GRID2: variants seen among roughly 807,000 people sequenced by gnomAD.
The protein encoded by GRID2 is glutamate ionotropic receptor delta type subunit 2.
A neutral mutation model predicts 114.8 loss-of-function variants in GRID2; 33 were observed. That is an observed-to-expected ratio of 0.29 (90% CI 0.22 to 0.38). GRID2 has a LOEUF of 0.38. Among genes scored for constraint, GRID2 ranks in the 10% least tolerant of loss-of-function variants. The pLI is 1.00. For synonymous variants in GRID2, 505 were observed against 449.9 expected, an observed-to-expected ratio of 1.12 and a Z score of -1.55; for missense variants, 1,184 against 1,257.7, an observed-to-expected ratio of 0.94 and a Z score of 0.89.
rs1433454267 is a variant in GRID2 at position 93,490,769 on chromosome 4, T to A, written c.1989T>A (p.Ser663Arg). 6.2e-6 allele frequency: 10 copies of A among 1,606,590 alleles called. No homozygotes were observed. The East Asian group carries it at 2.2e-4, about 36-fold the overall frequency. Residue 663 changes from serine to arginine, a missense_variant, in exon 12 of 16, where the codon AGT (serine) becomes AGA (arginine). Ser to Arg is a moderately radical substitution (Grantham distance 110, BLOSUM62 -1). Around this residue, in one of 3 missense-constraint regions of GRID2, gnomAD observed 717 missense variants for 796.9 expected, o/e 0.90. Transcript: ENST00000282020. ...AAFLTITRIE[S>R]SIQSLQDLSK... ...TCCTCACTATTACACGCATTGAAAG[T>A]TCCATCCAGTAAGTAAACAATGTTT...
intron 2 of GRID2, among the ~76,000 whole-genome samples, chr4:92,935,775 T>C (rs574967545): frequency 5.5e-5 from 8 of 145,194 alleles, no homozygotes; most frequent in African/African-American, 1.7e-4. Flanking sequence ...CTGAGTAAAC[T>C]ATCGCAAGGA....
chr4:93,129,775 G>A (rs1046002356), intron 4 of GRID2, among the ~76,000 whole-genome samples: 1 of 151,694 alleles, frequency 6.6e-6, no homozygotes, highest in African/African-American at 2.4e-5. Flanking sequence ...CATGGAACCT[G>A]GCAGGGTGTA....
At chr4:93,740,626 G>A (rs578048779) in intron 14 of GRID2, among the ~76,000 whole-genome samples, 18 of 152,270 alleles carry the variant, frequency 1.2e-4, no homozygotes, top group African/African-American at 2.4e-4. Context: ...ACATATGTGC[G>A]TTACTTACGT....
At chr4:92,685,031 C>T (rs992497599) in intron 2 of GRID2, among the ~76,000 whole-genome samples, 18 of 151,954 alleles carry the variant, frequency 1.2e-4, no homozygotes, top group African/African-American at 4.3e-4. Flanking sequence ...ACTGAAATAT[C>T]AATAATAAAC....
intron 2 of GRID2, among the ~76,000 whole-genome samples, chr4:93,046,523 A>C (rs1726152606): frequency 6.6e-6 from 1 of 152,118 alleles, no homozygotes. Flanking sequence ...TTACAGAAAC[A>C]AATTTAATTA....
intron 2 of GRID2, among the ~76,000 whole-genome samples, chr4:92,971,790 G>A (rs570684957): frequency 6.6e-6 from 1 of 151,954 alleles, no homozygotes; most frequent in Non-Finnish European, 1.5e-5. Context: ...GAGAATTTGT[G>A]GTATTATCTT....
chr4:93,789,294 G>A (rs1301983838), intron 1 of GRID2, among the ~76,000 whole-genome samples: 1 of 152,204 alleles, frequency 6.6e-6, no homozygotes, highest in African/African-American at 2.4e-5. Context: ...ATAGAAATAA[G>A]TAGAACTGTT....
chr4:92,414,842 A>G (rs188369315), intron 1 of GRID2, among the ~76,000 whole-genome samples: 46 of 152,246 alleles, frequency 3.0e-4, no homozygotes, highest in African/African-American at 1.0e-3. Context: ...GACCTCACTA[A>G]GTGGTATATT....
At chr4:92,486,938 A>C (rs78903746) in intron 1 of GRID2, among the ~76,000 whole-genome samples, 7,179 of 151,992 alleles carry the variant, frequency 0.047, 237 homozygotes, top group East Asian at 0.12. Flanking sequence ...GCTTTTCTTC[A>C]TTAGATTTTG....
intron 4 of GRID2, among the ~76,000 whole-genome samples, chr4:93,161,922 G>A (rs1737723531): frequency 6.6e-6 from 1 of 151,554 alleles, no homozygotes; most frequent in African/African-American, 2.4e-5. Flanking sequence ...AAAATCTGCT[G>A]GAATTTAATT....
chr4:93,413,145 G>C (rs977120810), intron 9 of GRID2, among the ~76,000 whole-genome samples: 1 of 151,902 alleles, frequency 6.6e-6, no homozygotes, highest in Admixed American at 6.6e-5. Flanking sequence ...TGGTATTTCT[G>C]GTTCTAGATC....
intron 12 of GRID2, among the ~76,000 whole-genome samples, chr4:93,506,358 G>A (rs894419938): frequency 5.3e-5 from 8 of 152,166 alleles, no homozygotes; most frequent in African/African-American, 1.4e-4. Context: ...CAGGAGGACC[G>A]TGTTCTGCCA....
intron 1 of GRID2, among the ~76,000 whole-genome samples, chr4:92,576,345 A>G (rs1483427156): frequency 2.0e-5 from 3 of 152,184 alleles, no homozygotes; most frequent in Admixed American, 6.5e-5. Context: ...TAAACAGCAG[A>G]TATGGTGGCC....
intron 2 of GRID2, among the ~76,000 whole-genome samples, chr4:92,631,113 G>A (rs1730790083): frequency 6.6e-6 from 1 of 151,440 alleles, no homozygotes; most frequent in African/African-American, 2.4e-5. Flanking sequence ...GTTCCCTAAA[G>A]CCCCAAAATT....
intron 8 of GRID2, among the ~76,000 whole-genome samples, chr4:93,385,266 C>T (rs1018292049): frequency 2.0e-5 from 3 of 152,114 alleles, no homozygotes; most frequent in South Asian, 2.1e-4. Context: ...CTATCTCTAG[C>T]GAGAGTAATT....
chr4:93,121,514 T>C (rs576172202), intron 4 of GRID2, among the ~76,000 whole-genome samples: 1 of 152,298 alleles, frequency 6.6e-6, no homozygotes, highest in South Asian at 2.1e-4. Context: ...TTTGATTGCC[T>C]CAAAATATTT....
chr4:92,570,712 T>C (rs1727568425), intron 1 of GRID2, among the ~76,000 whole-genome samples: 1 of 152,066 alleles, frequency 6.6e-6, no homozygotes, highest in African/African-American at 2.4e-5. Flanking sequence ...TTGGTGGCAT[T>C]TGTGAATGGG....
chr4:93,692,362 G>C (rs974289823), intron 14 of GRID2, among the ~76,000 whole-genome samples: 1 of 152,076 alleles, frequency 6.6e-6, no homozygotes. Flanking sequence ...ACTGAGGTGG[G>C]GACATGCCTG....
chr4:92,694,075 A>G (rs977738737), intron 2 of GRID2, among the ~76,000 whole-genome samples: 2 of 152,202 alleles, frequency 1.3e-5, no homozygotes, highest in African/African-American at 4.8e-5. Flanking sequence ...CAAGCATACA[A>G]AACAGCAACA....
Sources: allele counts gnomAD v4.1 joint callset (sites outside exome capture counted in the v4.1 genomes callset), GRCh38; gene constraint gnomAD v4.1.1; regional missense constraint gnomAD v4.1.1; transcripts MANE v1.5; gene names NCBI Gene and HGNC (gene_info 2026-07-23, HGNC 2026-07-21).